Variants in ARL6IP6 observed in about 807,000 individuals in gnomAD.
ARL6IP6 encodes ADP-ribosylation factor-like protein 6-interacting protein 6.
A neutral mutation model predicts 21.5 loss-of-function variants in ARL6IP6; 22 were observed. That is an observed-to-expected ratio of 1.02 (90% CI 0.73 to 1.46). The LOEUF is 1.46. Ranked by LOEUF, ARL6IP6 falls within the 40% of genes most tolerant of loss-of-function variation. The pLI is 0.00. For synonymous variants in ARL6IP6, 164 were observed against 125.3 expected, an observed-to-expected ratio of 1.31 and a Z score of -2.06; for missense variants, 388 against 299.8, an observed-to-expected ratio of 1.29 and a Z score of -2.17.
chr2:152,749,124 T>A (rs544129069), intron 3 of ARL6IP6, among the ~76,000 whole-genome samples: 6 of 152,262 alleles, frequency 3.9e-5, no homozygotes, highest in Non-Finnish European at 5.9e-5. Flanking sequence ...ATGAAAATAA[T>A]TATAATTCTT....
intron 3 of ARL6IP6, among the ~76,000 whole-genome samples, chr2:152,755,772 C>T (rs1009681952): frequency 1.6e-4 from 25 of 152,282 alleles, no homozygotes; most frequent in African/African-American, 6.0e-4. Flanking sequence ...AGTGGTCCCC[C>T]GGGCCCAGCT....
chr2:152,718,825 C>T lies in ARL6IP6; in HGVS notation c.201C>T (p.Pro67=), dbSNP rs1004667733. Reference sequence around the variant, plus strand: ...TCTCGGCTGGGGCGTGGTCAGAGCCCAGAAAGCGCTCGGTGCTCCCGCCGG... The same window carrying T: ...TCTCGGCTGGGGCGTGGTCAGAGCCTAGAAAGCGCTCGGTGCTCCCGCCGG... ...AEFSAGAWSE[P]RKRSVLPPDG... The change falls in exon 1 of 4, where the codon CCC becomes CCT. Residue 67 remains proline (P), a synonymous_variant. Coordinates refer to ENST00000326446, the MANE Select transcript of ARL6IP6 (RefSeq NM_152522.7). 46 of 1,609,758 alleles carry T rather than the reference C, an allele frequency of 2.9e-5. No individual in the cohort carries two copies. The highest frequency in any genetic ancestry group is 5.1e-5 in the Admixed American group (3 of 59,340).
At chr2:152,752,236 G>C (rs2105179879) in intron 3 of ARL6IP6, among the ~76,000 whole-genome samples, 1 of 152,142 alleles carries the variant, frequency 6.6e-6, no homozygotes, top group Non-Finnish European at 1.5e-5. Context: ...GTGTTTTCCT[G>C]CTTCAGAGTA....
At chr2:152,753,089 T>C (rs903002785) in intron 3 of ARL6IP6, among the ~76,000 whole-genome samples, 4 of 151,800 alleles carry the variant, frequency 2.6e-5, no homozygotes, top group African/African-American at 9.7e-5. Flanking sequence ...CAACGAGCCA[T>C]GATCATGCCA....
chr2:152,760,462 A>T lies in ARL6IP6; in HGVS notation c.*622A>T, dbSNP rs1263130579. On this transcript the variant is annotated 3_prime_UTR_variant, in exon 4 of 4. Transcript: ENST00000326446. Reference sequence around the variant, plus strand: ...ATTTGTATGTTTTTAAAATTGTTACATCTAGACAACTGTAAACATTATTTT... The same window carrying T: ...ATTTGTATGTTTTTAAAATTGTTACTTCTAGACAACTGTAAACATTATTTT... The T allele has an allele frequency of 6.6e-6, 1 of 152,004 alleles. No individual in the cohort carries two copies. The highest frequency in any genetic ancestry group is 1.5e-5 in the Non-Finnish European group (1 of 67,962). The allele number at this position is 152,004 out of a possible 1,614,324, so 9.4% of individuals were successfully genotyped here. A position where few individuals can be genotyped will look rare whatever the true frequency, so the allele number is the denominator to read the frequency against.
intron 2 of ARL6IP6, among the ~76,000 whole-genome samples, chr2:152,728,766 A>T (rs562646383): frequency 2.0e-4 from 30 of 152,300 alleles, no homozygotes; most frequent in Non-Finnish European, 4.1e-4. Flanking sequence ...AGATTAGTAT[A>T]CATCATTTCA....
intron 3 of ARL6IP6, among the ~76,000 whole-genome samples, chr2:152,756,331 G>C (rs939854384): frequency 1.3e-5 from 2 of 152,028 alleles, no homozygotes; most frequent in African/African-American, 4.8e-5. Context: ...ATTAATTTGA[G>C]ATGAATTACA....
At chr2:152,735,273 G>T (rs1177379594) in intron 3 of ARL6IP6, 147 bp downstream of exon 3, 3 of 734,266 alleles carry the variant, frequency 4.1e-6, no homozygotes, top group Admixed American at 3.0e-5. Flanking sequence ...CAGCTTGTAG[G>T]CTCAGCCTTT....
chr2:152,739,772 A>AT (rs1270703283), intron 3 of ARL6IP6, among the ~76,000 whole-genome samples: 1 of 152,252 alleles, frequency 6.6e-6, no homozygotes, highest in Non-Finnish European at 1.5e-5. Flanking sequence ...TGGGTAATTT[A>AT]TAAAGGAAAG....
upstream of ARL6IP6, chr2:152,717,780 G>A: frequency 8.2e-7 from 1 of 1,217,368 alleles, no homozygotes; most frequent in Non-Finnish European, 1.0e-6. Flanking sequence ...TGGGGCAGTG[G>A]GGGTCTGCCA....
intron 3 of ARL6IP6, among the ~76,000 whole-genome samples, chr2:152,753,734 C>G (rs1386777088): frequency 1.5e-5 from 2 of 135,918 alleles, no homozygotes; most frequent in African/African-American, 5.5e-5. Flanking sequence ...GAGTCTCGCT[C>G]TGTTGCCCAA....
At chr2:152,734,112 G>C (rs567768540) in intron 2 of ARL6IP6, among the ~76,000 whole-genome samples, 1 of 152,300 alleles carries the variant, frequency 6.6e-6, no homozygotes, top group South Asian at 2.1e-4. Flanking sequence ...GTTATGAATA[G>C]TATCCAAAAA....
At chr2:152,739,309 C>T (rs1429383702) in intron 3 of ARL6IP6, among the ~76,000 whole-genome samples, 1 of 152,078 alleles carries the variant, frequency 6.6e-6, no homozygotes, top group Non-Finnish European at 1.5e-5. Flanking sequence ...TTAAGAGCAC[C>T]CAAGTCAACT....
In ARL6IP6 at chr2:152,733,638, T is replaced by C. The variant is rs572520984; in HGVS notation, c.455-1356T>C. Among the ~76,000 whole-genome samples the C allele has an allele frequency of 2.0e-5, 3 of 152,366 alleles. No homozygotes were observed. In the South Asian group the frequency reaches 6.2e-4, roughly 32 times the overall value. On this transcript the variant is annotated intron_variant, in intron 2 of 3. Coordinates refer to ENST00000326446, the MANE Select transcript of ARL6IP6 (RefSeq NM_152522.7). ...ATACTATTTCAATATTTGGTTGGACTAGTCTCTATTTTTGCTTATTATTTC... is the reference window on the plus strand; with the variant it reads ...ATACTATTTCAATATTTGGTTGGACCAGTCTCTATTTTTGCTTATTATTTC...
At chr2:152,751,577 C>T (rs1384020272) in intron 3 of ARL6IP6, among the ~76,000 whole-genome samples, 1 of 152,140 alleles carries the variant, frequency 6.6e-6, no homozygotes, top group Admixed American at 6.5e-5. Context: ...CTACCTTCTA[C>T]TTCTATGAGC....
intron 1 of ARL6IP6, chr2:152,720,126 T>C (rs1482297393): frequency 8.9e-6 from 3 of 335,566 alleles, no homozygotes; most frequent in African/African-American, 4.4e-5. Flanking sequence ...TTTTGTCTCC[T>C]AGGTGGTTTA....
At chr2:152,741,941 TA>T (rs1700829766) in intron 3 of ARL6IP6, among the ~76,000 whole-genome samples, 1 of 152,204 alleles carries the variant, frequency 6.6e-6, no homozygotes, top group African/African-American at 2.4e-5. Flanking sequence ...AAAGGTTTGT[TA>T]ACAGTGTTAA....
intron 2 of ARL6IP6, among the ~76,000 whole-genome samples, chr2:152,726,350 A>G (rs1354500067): frequency 1.0e-5 from 1 of 95,462 alleles, no homozygotes; most frequent in Non-Finnish European, 2.2e-5. Context: ...TGTAACTGCT[A>G]TAGCTACCAT....
chr2:152,717,711 G>A (rs892378782), upstream of ARL6IP6: 9 of 1,378,610 alleles, frequency 6.5e-6, no homozygotes, highest in Non-Finnish European at 8.5e-6. Flanking sequence ...TTCCCCAGGG[G>A]AAGGGAAGAC....
Sources: allele counts gnomAD v4.1 joint callset (sites outside exome capture counted in the v4.1 genomes callset), GRCh38; gene constraint gnomAD v4.1.1; transcripts MANE v1.5; gene names NCBI Gene and HGNC (gene_info 2026-07-23, HGNC 2026-07-21).